Variants in CENPW observed in about 807,000 individuals in gnomAD.
The protein encoded by CENPW is cancer-up-regulated gene 2 protein.
A neutral mutation model predicts 11.1 loss-of-function variants in CENPW; 3 were observed. The observed-to-expected ratio is 0.27, with a 90% CI of 0.12 to 0.70. The LOEUF (loss-of-function observed/expected upper bound fraction) is 0.70, where lower values mean the gene tolerates loss of function less well. Ranked by LOEUF, CENPW falls within the 30% of genes least tolerant of loss-of-function variation. The probability of loss-of-function intolerance (pLI) is 0.77; values close to 1 mark genes in which losing one functional copy is unlikely to be tolerated. For missense variants in CENPW, 100 were observed against 105.6 expected (o/e 0.95, Z 0.23); for synonymous variants, 38 against 42.0 (o/e 0.91, Z 0.37).
At chr6:126,346,398 A>G in intron 2 of CENPW, 80 bp downstream of exon 2, 1 of 729,984 alleles carries the variant, frequency 1.4e-6, no homozygotes, top group Non-Finnish European at 2.3e-6. Context: ...CCTGATTTGT[A>G]TACCTTACTC....
chr6:126,451,932 T>C, the CENPW span, among the ~76,000 whole-genome samples: 1 of 151,246 alleles, frequency 6.6e-6, no homozygotes, highest in South Asian at 2.1e-4. Context: ...TGTGTGGATC[T>C]GATCCTAATA....
chr6:126,466,115 C>T, the CENPW span, among the ~76,000 whole-genome samples: 1 of 151,908 alleles, frequency 6.6e-6, no homozygotes, highest in African/African-American at 2.4e-5. Flanking sequence ...TATGCATTTT[C>T]AAAACCTTTA....
chr6:126,390,180 C>G, the CENPW span, among the ~76,000 whole-genome samples: 1 of 151,896 alleles, frequency 6.6e-6, no homozygotes, highest in African/African-American at 2.4e-5. Flanking sequence ...TCCATGTCTA[C>G]TGCAACCCGC....
At chr6:126,410,516 TC>T in the CENPW span, among the ~76,000 whole-genome samples, 1 of 152,188 alleles carries the variant, frequency 6.6e-6, no homozygotes, top group African/African-American at 2.4e-5. Flanking sequence ...TTTTTGAGTT[TC>T]CTGGTTATGG....
chr6:126,380,167 A>T, the CENPW span, among the ~76,000 whole-genome samples: 1 of 152,222 alleles, frequency 6.6e-6, no homozygotes, highest in Non-Finnish European at 1.5e-5. Flanking sequence ...GCAGAAGCAG[A>T]GTGGGAACCA....
At chr6:126,482,829 A>G in the CENPW span, among the ~76,000 whole-genome samples, 1 of 151,978 alleles carries the variant, frequency 6.6e-6, no homozygotes, top group Non-Finnish European at 1.5e-5. Flanking sequence ...TTGACTATAT[A>G]AAGTCCTTGC....
At chr6:126,415,022 A>G in the CENPW span, among the ~76,000 whole-genome samples, 1 of 152,152 alleles carries the variant, frequency 6.6e-6, no homozygotes, top group Non-Finnish European at 1.5e-5. Context: ...GATATATACA[A>G]CCTAACAAGA....
the CENPW span, among the ~76,000 whole-genome samples, chr6:126,396,901 A>T: frequency 6.6e-6 from 1 of 151,906 alleles, no homozygotes; most frequent in East Asian, 2.0e-4. Context: ...GTCCCCTATT[A>T]TATTGTGGTT....
At chr6:126,447,433 A>T in the CENPW span, among the ~76,000 whole-genome samples, 1 of 151,254 alleles carries the variant, frequency 6.6e-6, no homozygotes, top group Non-Finnish European at 1.5e-5. Flanking sequence ...AATGACAGGT[A>T]GCTTGATGTT....
the CENPW span, among the ~76,000 whole-genome samples, chr6:126,479,329 C>T: frequency 6.6e-6 from 1 of 151,920 alleles, no homozygotes; most frequent in South Asian, 2.1e-4. Flanking sequence ...GTCCTGAGCT[C>T]CAGACCCTCA....
chr6:126,379,013 T>C, the CENPW span, among the ~76,000 whole-genome samples: 2 of 152,198 alleles, frequency 1.3e-5, no homozygotes, highest in Admixed American at 1.3e-4. Flanking sequence ...TATTTTTGGG[T>C]AGATAATTGG....
the CENPW span, among the ~76,000 whole-genome samples, chr6:126,398,981 C>T: frequency 6.6e-6 from 1 of 151,864 alleles, no homozygotes; most frequent in South Asian, 2.1e-4. Context: ...TTCCAAAGAA[C>T]ATGATTTCAT....
the CENPW span, among the ~76,000 whole-genome samples, chr6:126,363,872 G>T: frequency 4.6e-3 from 705 of 152,244 alleles, 6 homozygotes; most frequent in African/African-American, 0.016. Context: ...GAGTTTCTTG[G>T]ACCTCCTGAA....
At chr6:126,373,384 A>G in the CENPW span, among the ~76,000 whole-genome samples, 1 of 152,256 alleles carries the variant, frequency 6.6e-6, no homozygotes, top group Admixed American at 6.5e-5. Flanking sequence ...GCAGTTTGCT[A>G]AGATGTTAAG....
chr6:126,400,539 T>C, the CENPW span, among the ~76,000 whole-genome samples: 4 of 152,096 alleles, frequency 2.6e-5, no homozygotes, highest in African/African-American at 9.6e-5. Flanking sequence ...TTATCCTGTA[T>C]GTTGTTCTCT....
the CENPW span, among the ~76,000 whole-genome samples, chr6:126,431,531 G>T: frequency 6.6e-6 from 1 of 152,134 alleles, no homozygotes; most frequent in Non-Finnish European, 1.5e-5. Flanking sequence ...TAAAGTAAAA[G>T]AAGCAGTTTT....
chr6:126,437,987 T>C, the CENPW span, among the ~76,000 whole-genome samples: 1 of 151,748 alleles, frequency 6.6e-6, no homozygotes, highest in African/African-American at 2.4e-5. Flanking sequence ...ATGATGAATA[T>C]TTATTGATCA....
the CENPW span, among the ~76,000 whole-genome samples, chr6:126,451,592 A>T: frequency 1.3e-5 from 2 of 151,094 alleles, no homozygotes; most frequent in Non-Finnish European, 3.0e-5. Context: ...TGGATAAAGA[A>T]GCTTCAATGG....
chr6:126,415,476 A>T, the CENPW span, among the ~76,000 whole-genome samples: 1 of 152,184 alleles, frequency 6.6e-6, no homozygotes, highest in Admixed American at 6.5e-5. Flanking sequence ...TTAGAGGAGA[A>T]GATTGAGACT....
Sources: gnomAD v4.1 joint callset for allele counts (sites outside exome capture counted in the v4.1 genomes callset) on GRCh38, gnomAD v4.1.1 for gene constraint, MANE v1.5 for transcripts, NCBI Gene and HGNC (gene_info 2026-07-23, HGNC 2026-07-21) for gene names.